EML1: variants seen among roughly 807,000 people sequenced by gnomAD.
The protein encoded by EML1 is EMAP like 1, also known as echinoderm microtubule-associated protein-like 1.
In EML1, 27 loss-of-function variants were observed where a neutral mutation model predicts 110.4. That is an observed-to-expected ratio of 0.24 (90% CI 0.18 to 0.34). The LOEUF is 0.34. Among genes scored for constraint, EML1 ranks in the 10% least tolerant of loss-of-function variants. The pLI, the probability that EML1 is intolerant of heterozygous loss-of-function variation, is 1.00. For missense variants in EML1, 741 were observed against 1,030.9 expected (o/e 0.72, Z 3.85); for synonymous variants, 344 against 385.8 (o/e 0.89, Z 1.27).
At chr14:99,918,786 G>A (rs545094716) in intron 16 of EML1, among the ~76,000 whole-genome samples, 8 of 151,954 alleles carry the variant, frequency 5.3e-5, no homozygotes, top group Admixed American at 6.6e-5. Flanking sequence ...CTGTACCCTC[G>A]CCTAAGCCAC....
rs1055265117 is a variant in EML1, at chr14:99,827,913, C to G, written c.68-22940C>G. 6.6e-6 allele frequency among the ~76,000 whole-genome samples: 1 copy of G among 152,034 alleles called. No individual in the cohort carries two copies. Among genetic ancestry groups the G allele is most frequent in the Non-Finnish European group, 1.5e-5 (1 of 68,006 alleles). On this transcript the variant is annotated intron_variant, in intron 1 of 21. Coordinates refer to ENST00000262233, the MANE Select transcript of EML1 (RefSeq NM_004434.3). The surrounding 1 kb of genome is among the most constrained non-coding windows in gnomAD (Gnocchi z 4.4). ...GCAGGGTGTCTGGGTGCAGTAGATG[C>G]GATGGTTGGTGTATAATATGAACAC... is the stretch of plus-strand genomic sequence containing the variant.
At chr14:99,872,056 C>G (rs895436452) in intron 3 of EML1, among the ~76,000 whole-genome samples, 3 of 152,172 alleles carry the variant, frequency 2.0e-5, no homozygotes, top group African/African-American at 7.2e-5. Flanking sequence ...CTTTTATGCC[C>G]CATCCTGTCT....
chr14:99,834,910 C>G lies in EML1; in HGVS notation c.68-15943C>G, dbSNP rs551872893. ...TCTTGGCTCACTGCAACCTCTATCTCCCGGCTTCAAGCAATCCTCCCACCT... is the reference window on the plus strand; with the variant it reads ...TCTTGGCTCACTGCAACCTCTATCTGCCGGCTTCAAGCAATCCTCCCACCT... On this transcript the variant is annotated intron_variant, in intron 1 of 21. Coordinates refer to ENST00000262233, the MANE Select transcript of EML1 (RefSeq NM_004434.3). 3.2e-4 allele frequency among the ~76,000 whole-genome samples: 49 copies of G among 152,262 alleles called. No individual in the cohort carries two copies. The Middle Eastern group carries it at 0.017, about 53-fold the overall frequency.
chr14:99,907,834 G>A, intron 10 of EML1, 101 bp downstream of exon 10: 2 of 1,080,228 alleles, frequency 1.9e-6, no homozygotes, highest in South Asian at 1.4e-5. Context: ...TCCCACCCCA[G>A]CCCTTGTGTA....
rs145894115 is a variant in EML1, at chr14:99,765,933, TA to T, written c.28+28077del. 4.6e-3 allele frequency among the ~76,000 whole-genome samples: 694 copies of T among 152,262 alleles called. 4 individuals carry two copies. Among genetic ancestry groups the T allele is most frequent in the African/African-American group, 0.016 (659 of 41,540 alleles). ...TTAATGGTTAATAATTAAAGGTTAA[TA>T]AAATGGTTACCACATTTTATTTACT... On this transcript the variant is annotated intron_variant, in intron 1 of 10. Coordinates refer to the EML1 transcript ENST00000554479.
At chr14:99,770,408 T>TATCTATC (rs58657462), upstream of EML1, among the ~76,000 whole-genome samples, 1 of 151,934 alleles carries the variant, frequency 6.6e-6, no homozygotes, top group African/African-American at 2.4e-5. Context: ...TCTATCTATC[T>TATCTATC]TTTTTATTTT....
intron 1 of EML1, 136 bp downstream of exon 1, chr14:99,793,679 C>T: frequency 3.4e-6 from 2 of 584,736 alleles, no homozygotes; most frequent in Non-Finnish European, 4.3e-6. Flanking sequence ...TGCGGAGGGG[C>T]GCGCGGTCCC....
chr14:99,840,027 A>AT (rs2058608475), intron 1 of EML1, among the ~76,000 whole-genome samples: 1 of 132,094 alleles, frequency 7.6e-6, no homozygotes, highest in Non-Finnish European at 1.8e-5. Context: ...CTCTGTACTG[A>AT]TTGCTTGTAT....
chr14:99,936,819 C>T lies in EML1; in HGVS notation c.2095+485C>T, dbSNP rs952973420. Among the ~76,000 whole-genome samples, 1 of 152,204 alleles carries T rather than the reference C, an allele frequency of 6.6e-6. No homozygotes were observed. The highest frequency in any genetic ancestry group is 1.5e-5 in the Non-Finnish European group (1 of 68,022). On this transcript the variant is annotated intron_variant, in intron 19 of 21. Coordinates refer to ENST00000262233, the MANE Select transcript of EML1 (RefSeq NM_004434.3). The surrounding 1 kb of genome is among the most constrained non-coding windows in gnomAD (Gnocchi z 5.5). ...GGCCAGTCTCTGGGCCCAGGCAGTG[C>T]TTGGGAACAGCGAGGATGATCGTGG...
chr14:99,925,534 A>G (rs947333766), intron 17 of EML1, among the ~76,000 whole-genome samples: 8 of 151,956 alleles, frequency 5.3e-5, no homozygotes, highest in Admixed American at 3.9e-4. Flanking sequence ...GGAGCCACCA[A>G]ATTTCTCTTT....
chr14:99,820,842 G>T (rs1466311486), intron 1 of EML1, among the ~76,000 whole-genome samples: 1 of 152,052 alleles, frequency 6.6e-6, no homozygotes, highest in African/African-American at 2.4e-5. Context: ...GGAGCCATGT[G>T]GTGGGAAGGT....
intron 1 of EML1, among the ~76,000 whole-genome samples, chr14:99,780,439 A>G (rs1320430489): frequency 1.3e-5 from 2 of 152,008 alleles, no homozygotes; most frequent in Non-Finnish European, 2.9e-5. Context: ...GGCAGATGAG[A>G]CTGTACCTCC....
chr14:99,878,401 G>A (rs192708505), intron 3 of EML1, 84 bp from the exon 4 acceptor site: 162 of 1,504,914 alleles, frequency 1.1e-4, no homozygotes, highest in Non-Finnish European at 7.4e-5. Context: ...GAAGTATGAC[G>A]TTCTATGTAT....
intron 2 of EML1, among the ~76,000 whole-genome samples, chr14:99,859,043 T>C (rs1405951499): frequency 6.6e-6 from 1 of 152,238 alleles, no homozygotes; most frequent in Non-Finnish European, 1.5e-5. Context: ...TAGATTTGGC[T>C]AGCTTTACTA....
intron 9 of EML1, among the ~76,000 whole-genome samples, chr14:99,903,239 C>A (rs2059789473): frequency 6.6e-6 from 1 of 152,264 alleles, no homozygotes; most frequent in Admixed American, 6.5e-5. Context: ...AAGATGATTT[C>A]AATCTTCTAT....
Position 99,909,494 on chromosome 14 carries a change from T to C in EML1, c.1239+15T>C. On this transcript the variant is annotated intron_variant, in intron 11 of 21. Coordinates refer to ENST00000262233, the MANE Select transcript of EML1 (RefSeq NM_004434.3). ...GATTATTCGAGGTAAAGTTAAATTA[T>C]GATTTTTGCTTTATTTTTCTCTCGT... The C allele has an allele frequency of 6.2e-7, 1 of 1,613,952 alleles. No homozygotes were observed. Among genetic ancestry groups the C allele is most frequent in the East Asian group, 2.2e-5 (1 of 44,870 alleles).
chr14:99,923,138 C>T (rs1032028045), intron 17 of EML1, among the ~76,000 whole-genome samples: 27 of 152,068 alleles, frequency 1.8e-4, no homozygotes, highest in African/African-American at 3.1e-4. Context: ...GACAGGGTTT[C>T]GCCATGTTGC....
chr14:99,863,055 C>T (rs1056272475), intron 2 of EML1, among the ~76,000 whole-genome samples: 2 of 152,172 alleles, frequency 1.3e-5, no homozygotes, highest in African/African-American at 4.8e-5. Flanking sequence ...TCTGCCCTTG[C>T]TTATCCATCA....
In EML1 at chr14:99,939,374, A is replaced by G. The variant is rs2140142534; in HGVS notation, c.2322+47A>G. On this transcript the variant is annotated intron_variant, in intron 21 of 21. Coordinates refer to ENST00000262233, the MANE Select transcript of EML1 (RefSeq NM_004434.3). The surrounding 1 kb of genome is among the most constrained non-coding windows in gnomAD (Gnocchi z 4.2). ...TAATCTTATCCCCCATGGGGCATGC[A>G]CGTACACCCGACCTGTTTGGAGACT... is the stretch of plus-strand genomic sequence containing the variant. 1 of 1,608,486 alleles carries G rather than the reference A, an allele frequency of 6.2e-7. No individual in the cohort carries two copies. Among genetic ancestry groups the G allele is most frequent in the African/African-American group, 1.3e-5 (1 of 74,910 alleles).
Sources: allele counts gnomAD v4.1 joint callset (sites outside exome capture counted in the v4.1 genomes callset), GRCh38; gene constraint gnomAD v4.1.1; non-coding constraint Gnocchi (gnomAD v3.1); transcripts MANE v1.5; gene names NCBI Gene and HGNC (gene_info 2026-07-23, HGNC 2026-07-21).